The following ATP2C2 variants were observed in gnomAD, a reference collection of about 807,000 sequenced individuals.
ATP2C2 encodes the protein calcium-transporting ATPase type 2C member 2.
In ATP2C2, 171 loss-of-function variants were observed where a neutral mutation model predicts 110.8. That is an observed-to-expected ratio of 1.54 (90% CI 1.36 to 1.75). The LOEUF is 1.75. Ranked by LOEUF, ATP2C2 falls within the 40% of genes most tolerant of loss-of-function variation. The pLI is 0.00. For missense variants in ATP2C2, 1,963 were observed against 1,235.0 expected (o/e 1.59, Z -8.84); for synonymous variants, 804 against 508.4 (o/e 1.58, Z -7.82).
rs780848274 is a variant in ATP2C2 at position 84,463,780 on chromosome 16, G to C, written c.*48G>C. 2.0e-6 allele frequency: 3 copies of C among 1,514,486 alleles called. No individual in the cohort carries two copies. Among genetic ancestry groups the C allele is most frequent in the Non-Finnish European group, 1.8e-6 (2 of 1,090,124 alleles). 93.8% of individuals were successfully genotyped at this position (1,514,486 alleles called of 1,614,324 possible). On this transcript the variant is annotated 3_prime_UTR_variant, in exon 27 of 27. Coordinates refer to ENST00000262429, the MANE Select transcript of ATP2C2 (RefSeq NM_014861.4). ...TCCCTAATCATCTCGATCTGGTTGT[G>C]ACTGTGGCCCCTGCCGTGTCTCCTC... is the stretch of plus-strand genomic sequence containing the variant.
At chr16:84,409,769 C>T (rs1323097694) in intron 4 of ATP2C2, among the ~76,000 whole-genome samples, 1 of 152,164 alleles carries the variant, frequency 6.6e-6, no homozygotes, top group Non-Finnish European at 1.5e-5. Context: ...TCCCAAATAG[C>T]TGGGATTGTA....
At chr16:84,401,564 T>C (rs548520099) in intron 2 of ATP2C2, among the ~76,000 whole-genome samples, 1 of 152,336 alleles carries the variant, frequency 6.6e-6, no homozygotes, top group East Asian at 1.9e-4. Flanking sequence ...TTTGTTTTCC[T>C]GGTACCATTT....
At chr16:84,376,056 C>T (rs1416593761) in intron 1 of ATP2C2, among the ~76,000 whole-genome samples, 1 of 151,896 alleles carries the variant, frequency 6.6e-6, no homozygotes, top group African/African-American at 2.4e-5. Context: ...TGAGCGGTGC[C>T]AGCCCAGAGC....
At chr16:84,461,518 A>C (rs1911334627) in intron 24 of ATP2C2, 196 bp from the exon 25 acceptor site, 4 of 633,750 alleles carry the variant, frequency 6.3e-6, no homozygotes, top group African/African-American at 5.5e-5. Flanking sequence ...GGTGGCAGCA[A>C]ATCAGCATGT....
Position 84,442,611 on chromosome 16 carries a change from T to C in ATP2C2, c.1401+12T>C. The C allele has an allele frequency of 1.2e-6, 2 of 1,612,902 alleles. No homozygotes were observed. The highest frequency in any genetic ancestry group is 2.2e-5 in the East Asian group (1 of 44,842). ...CCCTGGCGATGAAGGTAGGAGGTCC[T>C]GGGGTGGCTCTGCGGGGAATTCTTT... On this transcript the variant is annotated intron_variant, in intron 15 of 26. Coordinates refer to ENST00000262429, the MANE Select transcript of ATP2C2 (RefSeq NM_014861.4).
At chr16:84,396,583 A>T (rs1904996873) in intron 1 of ATP2C2, among the ~76,000 whole-genome samples, 1 of 148,758 alleles carries the variant, frequency 6.7e-6, no homozygotes, top group Admixed American at 6.7e-5. Flanking sequence ...GGAAAAGTGA[A>T]TTCGGTGTAG....
At chr16:84,463,548 G>A (rs546232137) in intron 26 of ATP2C2, 66 bp from the exon 27 acceptor site, 9 of 1,367,626 alleles carry the variant, frequency 6.6e-6, no homozygotes, top group Non-Finnish European at 9.4e-6. Context: ...GGCAGGGAAG[G>A]CGCTTCCTGC....
At position 84,458,509 on chromosome 16, in the gene ATP2C2, T is replaced by A. The variant is rs1489939558; in HGVS notation, c.2148-611T>A. 1.4e-3 allele frequency among the ~76,000 whole-genome samples: 12 copies of A among 8,622 alleles called. No homozygotes were observed. The East Asian group carries it at 0.033, about 24-fold the overall frequency. 5.7% of individuals were successfully genotyped at this position (8,622 alleles called of 152,430 possible). On this transcript the variant is annotated intron_variant, in intron 21 of 26. Coordinates refer to ENST00000262429, the MANE Select transcript of ATP2C2 (RefSeq NM_014861.4). Reference sequence around the variant, plus strand: ...TTAGAGTATAATAAAAAAAAAAAAATTTAAATAAAAAAAAAGTCATAATAT... The same window carrying A: ...TTAGAGTATAATAAAAAAAAAAAAAATTAAATAAAAAAAAAGTCATAATAT...
At chr16:84,406,496 C>T in intron 3 of ATP2C2, 1 of 725,194 alleles carries the variant, frequency 1.4e-6, no homozygotes, top group Non-Finnish European at 1.7e-6. Context: ...TTTACAGCTT[C>T]CTCCATTGGT....
chr16:84,460,148 G>C (rs1444182784), intron 23 of ATP2C2: 1 of 202,200 alleles, frequency 4.9e-6, no homozygotes, highest in Non-Finnish European at 1.0e-5. Context: ...AGCCCTCCCT[G>C]GGAGCAGAAG....
At chr16:84,401,264 C>A (rs931454708) in intron 2 of ATP2C2, among the ~76,000 whole-genome samples, 1 of 125,426 alleles carries the variant, frequency 8.0e-6, no homozygotes, top group Non-Finnish European at 1.6e-5. Context: ...CACTCTGTTG[C>A]CCAGGCTGGA....
intron 21 of ATP2C2, among the ~76,000 whole-genome samples, chr16:84,455,470 C>T (rs560324620): frequency 3.9e-5 from 6 of 152,318 alleles, no homozygotes; most frequent in Middle Eastern, 3.4e-3. Context: ...ACACCCCCAT[C>T]GCTGACCACG....
At position 84,410,768 on chromosome 16, in the gene ATP2C2, A is replaced by G. The variant is rs1906211021; in HGVS notation, c.515+3A>G. 2 of 1,613,642 alleles carry G rather than the reference A, an allele frequency of 1.2e-6. No individual in the cohort carries two copies. The highest frequency in any genetic ancestry group is 1.3e-5 in the African/African-American group (1 of 74,914). ...CTGGTTCCTCCAGAATGTAACTGGT[A>G]AGTCAGAGCCTCCCTGGGACTTTTT... On this transcript the variant is annotated splice_donor_region_variant and intron_variant, in intron 6 of 26. Coordinates refer to ENST00000262429, the MANE Select transcript of ATP2C2 (RefSeq NM_014861.4).
Position 84,421,230 on chromosome 16 carries a change from C to T in ATP2C2, c.625-1160C>T, listed in dbSNP as rs1168371984. Among the ~76,000 whole-genome samples, 7 of 152,168 alleles carry T rather than the reference C, an allele frequency of 4.6e-5. No individual in the cohort carries two copies. In the East Asian group the frequency reaches 5.8e-4, roughly 13 times the overall value. On this transcript the variant is annotated intron_variant, in intron 7 of 26. Coordinates refer to ENST00000262429, the MANE Select transcript of ATP2C2 (RefSeq NM_014861.4). ...GCTTCATTGTCCAGAGCTGGAGCCG[C>T]GGGAGCCACAGGGAGGTGGGAATGT...
chr16:84,459,996 C>T (rs62050914), intron 23 of ATP2C2: 13,649 of 243,570 alleles, frequency 0.056, 530 homozygotes, highest in Admixed American at 0.11. Flanking sequence ...CCCATCTGGC[C>T]ACGTGTGCGT....
chr16:84,429,007 C>A (rs1208057817), intron 11 of ATP2C2, among the ~76,000 whole-genome samples: 1 of 152,104 alleles, frequency 6.6e-6, no homozygotes, highest in Admixed American at 6.5e-5. Flanking sequence ...TTACTAATGG[C>A]CCTGCGAAAG....
At chr16:84,446,771 T>G (rs907243626) in intron 16 of ATP2C2, among the ~76,000 whole-genome samples, 1 of 152,178 alleles carries the variant, frequency 6.6e-6, no homozygotes, top group African/African-American at 2.4e-5. Flanking sequence ...TTCTGCAGAT[T>G]CTGATGCAGG....
chr16:84,434,825 A>G (rs993215216), intron 11 of ATP2C2, among the ~76,000 whole-genome samples: 2 of 152,172 alleles, frequency 1.3e-5, no homozygotes, highest in African/African-American at 4.8e-5. Context: ...GCCCATTCTA[A>G]TCTTTATTAG....
intron 7 of ATP2C2, among the ~76,000 whole-genome samples, 186 bp from the exon 8 acceptor site, chr16:84,422,204 G>T (rs1281592397): frequency 6.6e-6 from 1 of 152,060 alleles, no homozygotes; most frequent in African/African-American, 2.4e-5. Context: ...GTTTTTAAGA[G>T]AGGCCGCTCA....
Sources: gnomAD v4.1 joint callset for allele counts (sites outside exome capture counted in the v4.1 genomes callset) on GRCh38, gnomAD v4.1.1 for gene constraint, MANE v1.5 for transcripts, NCBI Gene and HGNC (gene_info 2026-07-23, HGNC 2026-07-21) for gene names.